The following KCND2 variants were observed in gnomAD, a reference collection of about 807,000 sequenced individuals.
The protein encoded by KCND2 is A-type voltage-gated potassium channel KCND2.
A neutral mutation model predicts 54.4 loss-of-function variants in KCND2; 16 were observed. That is an observed-to-expected ratio of 0.29 (90% CI 0.20 to 0.45). KCND2 has a LOEUF of 0.45. Ranked by LOEUF, KCND2 falls within the 20% of genes least tolerant of loss-of-function variation. KCND2 has a pLI of 1.00. For missense variants in KCND2, 486 were observed against 824.2 expected (o/e 0.59, Z 5.02); for synonymous variants, 317 against 310.7 (o/e 1.02, Z -0.21).
intron 1 of KCND2, among the ~76,000 whole-genome samples, chr7:120,463,468 T>G (rs1802316107): frequency 1.3e-5 from 2 of 151,732 alleles, no homozygotes. Flanking sequence ...TTGTGTTAAG[T>G]GTAATTTTTC....
chr7:120,523,671 A>G (rs1455195597), intron 1 of KCND2, among the ~76,000 whole-genome samples: 1 of 146,362 alleles, frequency 6.8e-6, no homozygotes, highest in Non-Finnish European at 1.5e-5. Flanking sequence ...TTGTCCACAT[A>G]TATTTATACA....
At chr7:120,466,060 T>C (rs756476352) in intron 1 of KCND2, among the ~76,000 whole-genome samples, 13 of 152,182 alleles carry the variant, frequency 8.5e-5, no homozygotes, top group Non-Finnish European at 1.8e-4. Context: ...TTATAAGATG[T>C]TTAACAGCTA....
intron 1 of KCND2, among the ~76,000 whole-genome samples, chr7:120,722,212 C>T (rs1392172162): frequency 6.6e-6 from 1 of 152,176 alleles, no homozygotes; most frequent in Non-Finnish European, 1.5e-5. Flanking sequence ...ATGGTAAACT[C>T]CAAGCTGGCC....
At chr7:120,422,669 C>T (rs1344264046) in intron 1 of KCND2, among the ~76,000 whole-genome samples, 2 of 152,166 alleles carry the variant, frequency 1.3e-5, no homozygotes, top group South Asian at 2.1e-4. Flanking sequence ...AACCTTCTTC[C>T]GTCTGCCCTC....
intron 1 of KCND2, among the ~76,000 whole-genome samples, chr7:120,358,220 G>A (rs1277275412): frequency 6.6e-6 from 1 of 152,160 alleles, no homozygotes; most frequent in Non-Finnish European, 1.5e-5. Context: ...AGGTGAATAA[G>A]ATGTGTCAGT....
intron 1 of KCND2, among the ~76,000 whole-genome samples, chr7:120,515,802 G>A (rs929334984): frequency 6.6e-6 from 1 of 152,086 alleles, no homozygotes; most frequent in African/African-American, 2.4e-5. Context: ...GAAGCCAAAC[G>A]TTGAAATGGC....
rs554510192 is a variant in KCND2, at chr7:120,552,138, A to T, written c.1116-180765A>T. Among the ~76,000 whole-genome samples the T allele has an allele frequency of 3.9e-5, 6 of 152,346 alleles. No individual in the cohort carries two copies. The East Asian group carries it at 1.2e-3, about 29-fold the overall frequency. ...CAAATCCTAGTATGAAGTTTTCCTT[A>T]TAATCCCATATATGTGATTAATAGT... On this transcript the variant is annotated intron_variant, in intron 1 of 5. Coordinates refer to ENST00000331113, the MANE Select transcript of KCND2 (RefSeq NM_012281.3).
At chr7:120,292,044 A>G (rs971735852) in intron 1 of KCND2, among the ~76,000 whole-genome samples, 3 of 151,856 alleles carry the variant, frequency 2.0e-5, no homozygotes, top group Non-Finnish European at 2.9e-5. Flanking sequence ...AAACATAATC[A>G]GTATTTTTCC....
At chr7:120,305,370 G>A (rs992217068) in intron 1 of KCND2, among the ~76,000 whole-genome samples, 2 of 152,152 alleles carry the variant, frequency 1.3e-5, no homozygotes, top group Non-Finnish European at 1.5e-5. Flanking sequence ...ATGAAGAGAT[G>A]GCTAGATGTA....
chr7:120,543,881 AC>A (rs778494586), intron 1 of KCND2, among the ~76,000 whole-genome samples: 2 of 151,950 alleles, frequency 1.3e-5, no homozygotes, highest in Non-Finnish European at 2.9e-5. Context: ...TCTGATAAGA[AC>A]CCAAATTTTC....
chr7:120,522,636 TATA>T (rs959468640), intron 1 of KCND2, among the ~76,000 whole-genome samples: 1 of 152,206 alleles, frequency 6.6e-6, no homozygotes, highest in Non-Finnish European at 1.5e-5. Context: ...CAGCAAAAGT[TATA>T]ATAACAATCC....
At chr7:120,327,195 T>TGTGAGTTTG (rs1222072425) in intron 1 of KCND2, among the ~76,000 whole-genome samples, 3 of 151,926 alleles carry the variant, frequency 2.0e-5, no homozygotes, top group African/African-American at 7.3e-5. Flanking sequence ...GAATTAAGAG[T>TGTGAGTTTG]GTGAGTTTGA....
At chr7:120,415,390 A>G (rs1801510747) in intron 1 of KCND2, among the ~76,000 whole-genome samples, 1 of 152,188 alleles carries the variant, frequency 6.6e-6, no homozygotes, top group African/African-American at 2.4e-5. Flanking sequence ...TGGTGCTGTC[A>G]TACCCCCGCC....
At chr7:120,548,209 A>G (rs993729548) in intron 1 of KCND2, among the ~76,000 whole-genome samples, 10 of 152,108 alleles carry the variant, frequency 6.6e-5, no homozygotes, top group Non-Finnish European at 1.0e-4. Context: ...GCCATAGGAA[A>G]AATCTAGAGA....
At chr7:120,707,314 T>C (rs936479463) in intron 1 of KCND2, among the ~76,000 whole-genome samples, 1 of 152,116 alleles carries the variant, frequency 6.6e-6, no homozygotes, top group African/African-American at 2.4e-5. Context: ...TTGTGTCAGG[T>C]GCAGGGAGGG....
At chr7:120,677,450 TA>T (rs1405024739) in intron 1 of KCND2, among the ~76,000 whole-genome samples, 1 of 151,664 alleles carries the variant, frequency 6.6e-6, no homozygotes, top group Non-Finnish European at 1.5e-5. Context: ...CTTTGTGAAA[TA>T]GTTGAGGATA....
At chr7:120,302,660 T>C (rs1799603884) in intron 1 of KCND2, among the ~76,000 whole-genome samples, 2 of 152,248 alleles carry the variant, frequency 1.3e-5, no homozygotes, top group Admixed American at 6.5e-5. Context: ...TTTAAAAGAG[T>C]GATATACAAA....
At position 120,281,334 on chromosome 7, in the gene KCND2, A is replaced by G. The variant is rs1562995465; in HGVS notation, c.1115+5587A>G. 2.6e-5 allele frequency among the ~76,000 whole-genome samples: 4 copies of G among 151,142 alleles called. No individual in the cohort carries two copies. In the South Asian group the frequency reaches 6.3e-4, roughly 24 times the overall value. ...GGGATACACACACACGTATGCATGT[A>G]TGTATGTATTTATGTACATATGTAT... is the stretch of plus-strand genomic sequence containing the variant. On this transcript the variant is annotated intron_variant, in intron 1 of 5. Coordinates refer to ENST00000331113, the MANE Select transcript of KCND2 (RefSeq NM_012281.3).
intron 1 of KCND2, among the ~76,000 whole-genome samples, chr7:120,498,221 C>T (rs569412221): frequency 6.6e-6 from 1 of 152,278 alleles, no homozygotes; most frequent in Non-Finnish European, 1.5e-5. Flanking sequence ...TGGCTAACAG[C>T]CTGTAATCCC....
Sources: gnomAD v4.1 joint callset for allele counts (sites outside exome capture counted in the v4.1 genomes callset) on GRCh38, gnomAD v4.1.1 for gene constraint, MANE v1.5 for transcripts, NCBI Gene and HGNC (gene_info 2026-07-23, HGNC 2026-07-21) for gene names.